The following SERPINA6 variants were observed in gnomAD, a reference collection of about 807,000 sequenced individuals.
The protein encoded by SERPINA6 is serpin family A member 6.
A neutral mutation model predicts 26.4 loss-of-function variants in SERPINA6; 19 were observed. The observed-to-expected ratio is 0.72, with a 90% CI of 0.50 to 1.06. The LOEUF is 1.06. SERPINA6 is among the 50% of genes least tolerant of loss of function. SERPINA6 has a pLI of 0.00. For synonymous variants in SERPINA6, 196 were observed against 199.4 expected, an observed-to-expected ratio of 0.98 and a Z score of 0.14; for missense variants, 473 against 504.0, an observed-to-expected ratio of 0.94 and a Z score of 0.59.
In SERPINA6 at chr14:94,310,427, G is replaced by C. The variant is rs115144424; in HGVS notation, c.614-421C>G. Among the ~76,000 whole-genome samples the C allele has an allele frequency of 5.5e-3, 844 of 152,236 alleles. 8 individuals carry two copies. The highest frequency in any genetic ancestry group is 0.019 in the African/African-American group (809 of 41,532). On this transcript the variant is annotated intron_variant, in intron 2 of 4. Transcript: ENST00000341584. The stretch of plus-strand genomic sequence containing the variant: ...GAGGGGGCCATCTCCACCCCTGCCA[G>C]CCTGGCCGGCCCAGCTGAGGCTCCT...
At chr14:94,308,023 AT>A (rs1895467134) in intron 3 of SERPINA6, among the ~76,000 whole-genome samples, 1 of 152,198 alleles carries the variant, frequency 6.6e-6, no homozygotes, top group Non-Finnish European at 1.5e-5. Flanking sequence ...AGACCACAAC[AT>A]TTGTCCAAGC....
chr14:94,318,674 A>G (rs144164357), intron 1 of SERPINA6, among the ~76,000 whole-genome samples: 2 of 152,338 alleles, frequency 1.3e-5, no homozygotes, highest in Admixed American at 6.5e-5. Context: ...AAATAGATCA[A>G]TGACCTAAAG....
chr14:94,314,432 C>T lies in SERPINA6; in HGVS notation c.217G>A (p.Ala73Thr). ...GTGCCCAGGGACAGCATAGCTAAGG[C>T]CATGGAGATGCTCACAGGGGAGATG... The part of the protein sequence containing the change: ...IFISPVSISM[A>T]LAMLSLGTCG... Residue 73 changes from alanine (A) to threonine (T), a missense_variant, in exon 2 of 5, where the codon GCC becomes ACC. Physicochemically the swap from Ala to Thr is moderately conservative, Grantham distance 58 (BLOSUM62 0). Transcript: ENST00000341584. The T allele has an allele frequency of 1.9e-6, 3 of 1,614,184 alleles. No homozygotes were observed. The highest frequency in any genetic ancestry group is 2.5e-6 in the Non-Finnish European group (3 of 1,180,030).
intron 1 of SERPINA6, among the ~76,000 whole-genome samples, chr14:94,316,410 CTTATT>C (rs1335862152): frequency 1.3e-5 from 2 of 152,148 alleles, no homozygotes; most frequent in Admixed American, 1.3e-4. Context: ...TATTTTCTTA[CTTATT>C]TTATGTCTGG....
rs1397908293 is a variant in SERPINA6 at position 94,314,491 on chromosome 14, T to G, written c.158A>C (p.His53Pro). 1.2e-6 allele frequency: 2 copies of G among 1,614,134 alleles called. No individual in the cohort carries two copies. The highest frequency in any genetic ancestry group is 2.2e-5 in the South Asian group (2 of 91,072). Residue 53 changes from histidine to proline, a missense_variant, in exon 2 of 5, where the codon CAC (histidine) becomes CCC (proline). Transcript: ENST00000341584. ...NVDFAFSLYK[H>P]LVALSPKKNI... is the part of the protein sequence containing the mutation. Reference sequence around the variant, plus strand: ...CTTTTTGGGACTCAAGGCCACTAGGTGCTTATACAGGCTGAAGGCAAAGTC... The same window carrying G: ...CTTTTTGGGACTCAAGGCCACTAGGGGCTTATACAGGCTGAAGGCAAAGTC...
Position 94,322,277 on chromosome 14 carries a change from G to A in SERPINA6, c.-20+990C>T, listed in dbSNP as rs554144108. On this transcript the variant is annotated intron_variant, in intron 1 of 4. Transcript: ENST00000341584. ...TAATCCCAGCACTTTTGGAAGCTGA[G>A]GTGGGCAGATCATCTGAGGTCAGGA... Among the ~76,000 whole-genome samples the A allele has an allele frequency of 2.0e-5, 3 of 152,322 alleles. No homozygotes were observed. In the East Asian group the frequency reaches 5.8e-4, roughly 29 times the overall value.
At position 94,314,232 on chromosome 14, in the gene SERPINA6, C is replaced by A. The variant is rs760589588; in HGVS notation, c.417G>T (p.Leu139Phe). ...TGATGTCTGCTGAGAATGACTCCAG[C>A]AACTCCAGGCTGCCATCAAGAAACA... ...NALFLDGSLE[L>F]LESFSADIKH... The change falls in exon 2 of 5, where the codon TTG (leucine) becomes TTT (phenylalanine). Residue 139 changes from leucine (L) to phenylalanine (F), a missense_variant. Leu to Phe is a conservative substitution (Grantham distance 22). Transcript: ENST00000341584. 12 of 1,614,116 alleles carry A rather than the reference C, an allele frequency of 7.4e-6. No individual in the cohort carries two copies. The East Asian group carries it at 2.7e-4, about 36-fold the overall frequency.
intron 1 of SERPINA6, among the ~76,000 whole-genome samples, chr14:94,322,599 T>C (rs74728224): frequency 0.011 from 1,713 of 152,366 alleles, 35 homozygotes; most frequent in African/African-American, 0.037. Context: ...ATGTCAAGTA[T>C]GCCCTCTTTG....
chr14:94,309,050 T>A (rs1377409089), intron 3 of SERPINA6, among the ~76,000 whole-genome samples: 1 of 152,252 alleles, frequency 6.6e-6, no homozygotes, highest in Non-Finnish European at 1.5e-5. Flanking sequence ...CATCCTCAGC[T>A]GACCTTGCCT....
intron 2 of SERPINA6, among the ~76,000 whole-genome samples, chr14:94,312,112 G>T (rs1895540216): frequency 6.6e-6 from 1 of 152,134 alleles, no homozygotes. Flanking sequence ...AACACTCACG[G>T]ATTCGTTTTG....
chr14:94,316,043 A>G (rs1199956866), intron 1 of SERPINA6, among the ~76,000 whole-genome samples: 2 of 152,156 alleles, frequency 1.3e-5, no homozygotes, highest in Admixed American at 6.5e-5. Flanking sequence ...CACTCATTCC[A>G]TAAGTTTTGG....
intron 4 of SERPINA6, 89 bp downstream of exon 4, chr14:94,305,982 C>T (rs1353264929): frequency 3.3e-6 from 5 of 1,497,870 alleles, no homozygotes; most frequent in Non-Finnish European, 4.6e-6. Flanking sequence ...GAGGCTCATT[C>T]ATGAACGAAC....
In SERPINA6 at chr14:94,304,574, A is replaced by C; in HGVS notation, c.1062T>G (p.Asn354Lys). 1.9e-6 allele frequency: 3 copies of C among 1,614,172 alleles called. No individual in the cohort carries two copies. The highest frequency in any genetic ancestry group is 1.7e-6 in the Non-Finnish European group (2 of 1,180,010). ...KVVHKAVLQL[N>K]EEGVDTAGST... ...AGCCAGCTGTGTCCACACCCTCCTC[A>C]TTGAGTTGCAGCACAGCTTTATGGA... The change falls in exon 5 of 5, where the codon AAT becomes AAG. Residue 354 changes from asparagine to lysine, a missense_variant. Physicochemically the swap from Asn to Lys is moderately conservative, Grantham distance 94. Transcript: ENST00000341584.
At position 94,306,046 on chromosome 14, in the gene SERPINA6, A is replaced by C. The variant is rs2273398; in HGVS notation, c.1032+25T>G. On this transcript the variant is annotated intron_variant, in intron 4 of 4. Transcript: ENST00000341584. ...TATTGTGAATTTTGGAGGGGGAAGAAAAGGTGGGTTCCCATGACATTTACC... is the reference window on the plus strand; with the variant it reads ...TATTGTGAATTTTGGAGGGGGAAGACAAGGTGGGTTCCCATGACATTTACC... 6,002 of 1,614,010 alleles carry C rather than the reference A, an allele frequency of 3.7e-3. 165 individuals carry two copies. The South Asian group carries it at 0.047, about 13-fold the overall frequency.
Position 94,314,412 on chromosome 14 carries a change from C to T in SERPINA6, c.237G>A (p.Leu79=), listed in dbSNP as rs766916528. 1.1e-5 allele frequency: 17 copies of T among 1,614,028 alleles called. No homozygotes were observed. The highest frequency in any genetic ancestry group is 1.4e-5 in the Non-Finnish European group (17 of 1,180,048). ...GGGCCCGTGTGTGGCCACAGGTGCC[C>T]AGGGACAGCATAGCTAAGGCCATGG... ...SISMALAMLS[L]GTCGHTRAQL... is the part of the protein sequence containing the mutation. The change falls in exon 2 of 5, where the codon CTG becomes CTA. Residue 79 remains leucine, a synonymous_variant. Transcript: ENST00000341584.
chr14:94,320,997 G>A (rs1300921371), intron 1 of SERPINA6, among the ~76,000 whole-genome samples: 2 of 152,118 alleles, frequency 1.3e-5, no homozygotes, highest in African/African-American at 4.8e-5. Flanking sequence ...TGGGTTTCGT[G>A]GCAGATCAAG....
At chr14:94,315,756 C>T (rs138052351) in intron 1 of SERPINA6, among the ~76,000 whole-genome samples, 2 of 152,290 alleles carry the variant, frequency 1.3e-5, no homozygotes, top group Admixed American at 6.5e-5. Context: ...AGGGCAATGA[C>T]ATATTAATAA....
At chr14:94,308,725 T>C (rs929103604) in intron 3 of SERPINA6, among the ~76,000 whole-genome samples, 6 of 152,222 alleles carry the variant, frequency 3.9e-5, no homozygotes, top group African/African-American at 1.4e-4. Flanking sequence ...ATGACAATAA[T>C]TTCAATTACT....
intron 1 of SERPINA6, among the ~76,000 whole-genome samples, chr14:94,320,950 G>A (rs1166397562): frequency 1.3e-5 from 2 of 151,992 alleles, no homozygotes; most frequent in Admixed American, 6.6e-5. Flanking sequence ...CTGGGTCCTC[G>A]CGACAATTCT....
Sources: gnomAD v4.1 joint callset for allele counts (sites outside exome capture counted in the v4.1 genomes callset) on GRCh38, gnomAD v4.1.1 for gene constraint, MANE v1.5 for transcripts, NCBI Gene and HGNC (gene_info 2026-07-23, HGNC 2026-07-21) for gene names.